PRSS23: variants seen among roughly 807,000 people sequenced by gnomAD.
PRSS23 encodes serine protease 23.
A neutral mutation model predicts 34.7 loss-of-function variants in PRSS23; 25 were observed. That is an observed-to-expected ratio of 0.72 (90% CI 0.53 to 1.01). PRSS23 has a LOEUF of 1.01. Among genes scored for constraint, PRSS23 ranks in the 50% least tolerant of loss-of-function variants. The probability of loss-of-function intolerance (pLI) is 0.00; values close to 1 mark genes in which losing one functional copy is unlikely to be tolerated. For synonymous variants in PRSS23, 176 were observed against 186.6 expected, an observed-to-expected ratio of 0.94 and a Z score of 0.46; for missense variants, 445 against 475.6, an observed-to-expected ratio of 0.94 and a Z score of 0.60.
exon 3 of PRSS23, chr11:86,951,605 A>C: frequency 6.2e-7 from 1 of 1,614,172 alleles, no homozygotes. Context: ...GAGGGCATCG[A>C]GATTTTGGTT....
chr11:86,892,067 AG>A (rs1948845159), intron 2 of PRSS23: 2 of 152,286 alleles, frequency 1.3e-5, no homozygotes, highest in Non-Finnish European at 2.9e-5. Context: ...TGTAAAATAG[AG>A]CACCTTGTCC....
At chr11:86,839,428 G>A in intron 2 of PRSS23, among the ~76,000 whole-genome samples, 1 of 152,052 alleles carries the variant, frequency 6.6e-6, no homozygotes, top group South Asian at 2.1e-4. Context: ...ACCTAACAAA[G>A]CCTCCAAGAA....
At chr11:86,931,370 C>T (rs1949124708) in intron 2 of PRSS23, among the ~76,000 whole-genome samples, 1 of 151,734 alleles carries the variant, frequency 6.6e-6, no homozygotes. Context: ...AATTAATAAG[C>T]AAATTGTGGT....
intron 2 of PRSS23, among the ~76,000 whole-genome samples, chr11:86,836,150 A>G (rs1210618960): frequency 5.3e-5 from 8 of 152,172 alleles, no homozygotes; most frequent in Non-Finnish European, 8.8e-5. Flanking sequence ...ACAGCTGGGT[A>G]TAGAGGGACA....
At chr11:86,872,417 C>T (rs770880443) in intron 2 of PRSS23, among the ~76,000 whole-genome samples, 6 of 152,274 alleles carry the variant, frequency 3.9e-5, no homozygotes, top group Admixed American at 2.0e-4. Flanking sequence ...ACACTTAACA[C>T]GTTCCTGATT....
At chr11:86,921,622 C>A (rs1949047766) in intron 2 of PRSS23, 1 of 152,168 alleles carries the variant, frequency 6.6e-6, no homozygotes, top group South Asian at 2.1e-4. Context: ...TCTACTCTTG[C>A]CCAGTGGGAG....
chr11:86,800,797 G>C (rs781240516), intron 1 of PRSS23, 146 bp downstream of exon 1: 103 of 302,650 alleles, frequency 3.4e-4, no homozygotes, highest in Non-Finnish European at 4.6e-4. Flanking sequence ...GGCAGTCCTC[G>C]GGGTTCCAGG....
upstream of PRSS23, chr11:86,800,421 T>G (rs1948017152): frequency 1.0e-6 from 1 of 979,914 alleles, no homozygotes. Flanking sequence ...GGGCACGGTT[T>G]ATGTGCAGTG....
chr11:86,817,001 A>G (rs1948219164), intron 1 of PRSS23, among the ~76,000 whole-genome samples: 1 of 152,258 alleles, frequency 6.6e-6, no homozygotes, highest in Admixed American at 6.5e-5. Flanking sequence ...ACTTTTGTGA[A>G]AGAATAAAAC....
intron 2 of PRSS23, among the ~76,000 whole-genome samples, chr11:86,899,417 G>A (rs1358747741): frequency 6.6e-6 from 1 of 152,120 alleles, no homozygotes; most frequent in Admixed American, 6.5e-5. Context: ...TACTTGGGGG[G>A]CAGAGGCGAG....
chr11:86,870,135 A>G (rs1237988102), intron 2 of PRSS23, among the ~76,000 whole-genome samples: 1 of 152,176 alleles, frequency 6.6e-6, no homozygotes, highest in Non-Finnish European at 1.5e-5. Context: ...AGATTATGAT[A>G]TGGCTCCATC....
chr11:86,848,403 C>G (rs372795090), intron 2 of PRSS23, among the ~76,000 whole-genome samples: 1 of 152,134 alleles, frequency 6.6e-6, no homozygotes, highest in Admixed American at 6.5e-5. Flanking sequence ...CACTGTAAAT[C>G]CTTATTGGGA....
chr11:86,886,343 A>T (rs1197252507), intron 2 of PRSS23, among the ~76,000 whole-genome samples: 1 of 152,170 alleles, frequency 6.6e-6, no homozygotes, highest in Non-Finnish European at 1.5e-5. Flanking sequence ...GCTTCCCATG[A>T]TGGATCATTT....
At chr11:86,893,549 G>T (rs1188393302) in intron 2 of PRSS23, among the ~76,000 whole-genome samples, 1 of 152,172 alleles carries the variant, frequency 6.6e-6, no homozygotes, top group Non-Finnish European at 1.5e-5. Context: ...TGGTTTAAGA[G>T]TCAACGCTGG....
intron 2 of PRSS23, among the ~76,000 whole-genome samples, chr11:86,838,366 A>C (rs1016168794): frequency 1.3e-5 from 2 of 152,168 alleles, no homozygotes; most frequent in African/African-American, 4.8e-5. Context: ...CACTGTTAGC[A>C]CAGCAGTCTG....
In PRSS23 at chr11:86,828,420, C is replaced by A. The variant is rs534139175; in HGVS notation, c.206+4827C>A. Reference sequence around the variant, plus strand: ...CATGAGATGGGTTTCCTGAATACAGCACACTGGTGGGTCTTGACTCTTTAT... The same window carrying A: ...CATGAGATGGGTTTCCTGAATACAGAACACTGGTGGGTCTTGACTCTTTAT... On this transcript the variant is annotated intron_variant, in intron 2 of 2. Transcript: ENST00000533902. Among the ~76,000 whole-genome samples, 972 of 152,286 alleles carry A rather than the reference C, an allele frequency of 6.4e-3. 15 individuals are homozygous for A. Among genetic ancestry groups the A allele is most frequent in the African/African-American group, 0.022 (922 of 41,554 alleles).
chr11:86,849,321 C>A (rs115733321), intron 2 of PRSS23, among the ~76,000 whole-genome samples: 3 of 152,174 alleles, frequency 2.0e-5, no homozygotes, highest in Non-Finnish European at 4.4e-5. Flanking sequence ...TTTCTTGTTA[C>A]GCCCAAAAGT....
At chr11:86,883,011 G>A (rs1166997128) in intron 2 of PRSS23, among the ~76,000 whole-genome samples, 1 of 152,172 alleles carries the variant, frequency 6.6e-6, no homozygotes, top group Non-Finnish European at 1.5e-5. Flanking sequence ...CTTTTAGGAA[G>A]TATCTGTTCA....
chr11:86,938,180 G>A (rs1271857698), intron 2 of PRSS23, among the ~76,000 whole-genome samples: 2 of 152,186 alleles, frequency 1.3e-5, no homozygotes, highest in Non-Finnish European at 2.9e-5. Flanking sequence ...AGCATTGGGC[G>A]CAAGAACAGC....
Sources: allele counts gnomAD v4.1 joint callset (sites outside exome capture counted in the v4.1 genomes callset), GRCh38; gene constraint gnomAD v4.1.1; transcripts MANE v1.5; gene names NCBI Gene and HGNC (gene_info 2026-07-23, HGNC 2026-07-21).